Variants in CSMD3 observed in about 807,000 individuals in gnomAD.
CSMD3 encodes the protein CUB and sushi domain-containing protein 3.
In CSMD3, 177 loss-of-function variants were observed where a neutral mutation model predicts 435.2. The observed-to-expected ratio is 0.41, with a 90% CI of 0.36 to 0.46. The LOEUF is 0.46. Among genes scored for constraint, CSMD3 ranks in the 20% least tolerant of loss-of-function variants. The probability of loss-of-function intolerance (pLI) is 0.34; values close to 1 mark genes in which losing one functional copy is unlikely to be tolerated. For synonymous variants in CSMD3, 1,656 were observed against 1,520.5 expected, an observed-to-expected ratio of 1.09 and a Z score of -2.07; for missense variants, 4,265 against 4,504.6, an observed-to-expected ratio of 0.95 and a Z score of 1.52.
intron 32 of CSMD3, among the ~76,000 whole-genome samples, chr8:112,466,292 A>G (rs1171084696): frequency 6.6e-6 from 1 of 152,184 alleles, no homozygotes; most frequent in Non-Finnish European, 1.5e-5. Context: ...CAAGCAAACA[A>G]AAGTAATCTA....
rs746016864 is a variant in CSMD3, at chr8:112,289,423, C to A, written c.9090G>T (p.Gln3030His). Residue 3030 changes from glutamine to histidine, a missense_variant, in exon 57 of 71, where the codon CAG (glutamine) becomes CAT (histidine). This residue lies in a region of CSMD3 where 3,255 missense variants were observed against 3,380.2 expected (regional missense o/e 0.96). Coordinates refer to ENST00000297405, the MANE Select transcript of CSMD3 (RefSeq NM_198123.2). The stretch of plus-strand genomic sequence containing the variant: ...CATTCAATTGGCAGGTTCTTGATGA[C>A]TGGCCTAAAAGGGAACGCTTTCCTG... ...SCTGKRSLLG[Q>H]SSRTCQLNGH... is the part of the protein sequence containing the mutation. 5 of 1,613,302 alleles carry A rather than the reference C, an allele frequency of 3.1e-6. No homozygotes were observed. In the Admixed American group the frequency reaches 6.7e-5, roughly 22 times the overall value.
chr8:113,012,582 G>T (rs1408341929), intron 6 of CSMD3, among the ~76,000 whole-genome samples: 3 of 151,930 alleles, frequency 2.0e-5, no homozygotes, highest in Admixed American at 2.0e-4. Context: ...TTTTATAAAT[G>T]GTAATTTTTT....
intron 2 of CSMD3, chr8:113,309,268 T>C (rs2093848613): frequency 6.6e-6 from 1 of 152,140 alleles, no homozygotes; most frequent in Non-Finnish European, 1.5e-5. Context: ...AGAGAGTATA[T>C]GTGCAGGTCC....
At chr8:112,886,463 T>C (rs1263283628) in intron 10 of CSMD3, among the ~76,000 whole-genome samples, 1 of 151,530 alleles carries the variant, frequency 6.6e-6, no homozygotes, top group Non-Finnish European at 1.5e-5. Context: ...TAGAATTCTT[T>C]ACTTTCAAGC....
chr8:112,928,714 T>C (rs1331311236), intron 9 of CSMD3, among the ~76,000 whole-genome samples: 1 of 150,142 alleles, frequency 6.7e-6, no homozygotes, highest in Non-Finnish European at 1.5e-5. Flanking sequence ...TGGTTCCAAG[T>C]CTTTGCTATT....
intron 22 of CSMD3, among the ~76,000 whole-genome samples, chr8:112,612,411 G>A (rs6996968): frequency 0.24 from 36,522 of 151,886 alleles, 4,731 homozygotes; most frequent in African/African-American, 0.33. Flanking sequence ...TTGCATTCTC[G>A]TCTTGTATCC....
intron 3 of CSMD3, among the ~76,000 whole-genome samples, chr8:113,268,034 T>G (rs2093486705): frequency 6.6e-6 from 1 of 151,762 alleles, no homozygotes; most frequent in Non-Finnish European, 1.5e-5. Flanking sequence ...TTACCATATT[T>G]CCATAATAAA....
At position 112,224,857 on chromosome 8, in the gene CSMD3, G is replaced by A. The variant is rs369956709; in HGVS notation, c.11038C>T (p.Pro3680Ser). Residue 3680 changes from proline to serine, a missense_variant, in exon 71 of 71, where the codon CCC becomes TCC. By Grantham distance (74) the Pro-to-Ser change is moderately conservative. This residue lies in a region of CSMD3 where 3,255 missense variants were observed against 3,380.2 expected (regional missense o/e 0.96). Coordinates refer to ENST00000297405, the MANE Select transcript of CSMD3 (RefSeq NM_198123.2). ...GACTTTGCGTTGGTGTCATACATGGGATTTTCAAAAGCTGCTTGGCCATTG... is the reference window on the plus strand; with the variant it reads ...GACTTTGCGTTGGTGTCATACATGGAATTTTCAAAAGCTGCTTGGCCATTG... ...NNNGQAAFEN[P>S]MYDTNAKSVE... is the part of the protein sequence containing the mutation. 6.2e-7 allele frequency: 1 copy of A among 1,613,916 alleles called. No homozygotes were observed. Among genetic ancestry groups the A allele is most frequent in the African/African-American group, 1.3e-5 (1 of 74,918 alleles).
intron 3 of CSMD3, among the ~76,000 whole-genome samples, chr8:113,261,251 T>G (rs2093424988): frequency 6.6e-6 from 1 of 152,148 alleles, no homozygotes; most frequent in African/African-American, 2.4e-5. Context: ...TAACTGTTAC[T>G]TTTGGTTCCA....
At chr8:112,581,086 T>C (rs1830304129) in intron 23 of CSMD3, among the ~76,000 whole-genome samples, 1 of 152,148 alleles carries the variant, frequency 6.6e-6, no homozygotes, top group Admixed American at 6.6e-5. Context: ...GCAGGCATTG[T>C]GCTGAGTGCT....
chr8:113,192,170 T>C (rs941218511), intron 3 of CSMD3, among the ~76,000 whole-genome samples: 2 of 151,798 alleles, frequency 1.3e-5, no homozygotes, highest in African/African-American at 2.4e-5. Flanking sequence ...TTGGAAACCA[T>C]GTACATTAGG....
At chr8:112,505,755 T>C (rs974897939) in intron 29 of CSMD3, among the ~76,000 whole-genome samples, 2 of 152,060 alleles carry the variant, frequency 1.3e-5, no homozygotes, top group Non-Finnish European at 2.9e-5. Flanking sequence ...TTAATAAATA[T>C]TAACTCATCT....
At chr8:112,333,083 T>C (rs1472297032) in intron 45 of CSMD3, among the ~76,000 whole-genome samples, 22 of 152,180 alleles carry the variant, frequency 1.4e-4, no homozygotes, top group Admixed American at 1.4e-3. Flanking sequence ...CTGAGGAAAG[T>C]AGAGATCAAA....
intron 3 of CSMD3, among the ~76,000 whole-genome samples, chr8:113,191,092 T>C (rs1003491139): frequency 1.3e-5 from 2 of 151,866 alleles, no homozygotes; most frequent in African/African-American, 2.4e-5. Flanking sequence ...ATATTTTCTT[T>C]TCTGTATCTT....
chr8:113,069,094 C>T (rs777661009), intron 5 of CSMD3, among the ~76,000 whole-genome samples: 11 of 152,028 alleles, frequency 7.2e-5, no homozygotes, highest in Admixed American at 2.0e-4. Context: ...TATATATGAA[C>T]TTCTTACCTC....
intron 56 of CSMD3, 88 bp from the exon 57 acceptor site, chr8:112,289,626 T>A: frequency 1.2e-6 from 1 of 859,166 alleles, no homozygotes; most frequent in Non-Finnish European, 1.8e-6. Context: ...ATACCAGAAG[T>A]AAATGTTCTG....
intron 13 of CSMD3, among the ~76,000 whole-genome samples, chr8:112,726,222 G>T (rs1310407755): frequency 6.6e-6 from 1 of 152,078 alleles, no homozygotes; most frequent in East Asian, 1.9e-4. Flanking sequence ...AGGGATTATG[G>T]AGATTATAAT....
intron 38 of CSMD3, among the ~76,000 whole-genome samples, chr8:112,354,862 T>C (rs1031767126): frequency 6.6e-6 from 1 of 152,180 alleles, no homozygotes; most frequent in African/African-American, 2.4e-5. Context: ...CTAAAATTCA[T>C]ATGGAACTGA....
chr8:112,516,989 T>G, intron 28 of CSMD3, 45 bp downstream of exon 28: 1 of 1,435,392 alleles, frequency 7.0e-7, no homozygotes, highest in African/African-American at 1.4e-5. Context: ...TTTTTAACCA[T>G]TGTTTTATGT....
Sources: allele counts gnomAD v4.1 joint callset (sites outside exome capture counted in the v4.1 genomes callset), GRCh38; gene constraint gnomAD v4.1.1; regional missense constraint gnomAD v4.1.1; transcripts MANE v1.5; gene names NCBI Gene and HGNC (gene_info 2026-07-23, HGNC 2026-07-21).